The following SCLT1 variants were observed in gnomAD, a reference collection of about 807,000 sequenced individuals.
SCLT1 encodes the protein sodium channel and clathrin linker 1.
Under a neutral mutation model 112.8 loss-of-function variants are expected in SCLT1, and 78 were observed. The observed-to-expected ratio is 0.69, with a 90% confidence interval of 0.58 to 0.83. The LOEUF (loss-of-function observed/expected upper bound fraction) is 0.83. SCLT1 is among the 40% of genes least tolerant of loss of function. The pLI, the probability that SCLT1 is intolerant of heterozygous loss-of-function variation, is 0.00. For missense variants in SCLT1, 747 were observed against 770.4 expected, an observed-to-expected ratio of 0.97 and a Z score of 0.36; for synonymous variants, 257 against 254.7, an observed-to-expected ratio of 1.01 and a Z score of -0.09.
At chr4:128,904,500 A>C (rs1377550053) in intron 18 of SCLT1, among the ~76,000 whole-genome samples, 4 of 152,214 alleles carry the variant, frequency 2.6e-5, no homozygotes, top group Non-Finnish European at 5.9e-5. Flanking sequence ...CTGATATGCC[A>C]TCAGATTAGA....
At chr4:128,913,067 G>C (rs1436299821) in intron 18 of SCLT1, among the ~76,000 whole-genome samples, 3 of 152,182 alleles carry the variant, frequency 2.0e-5, no homozygotes, top group Admixed American at 6.5e-5. Flanking sequence ...TAGAAGGTTT[G>C]TTGGTTTGCT....
chr4:128,887,095 G>T (rs140338980), intron 20 of SCLT1, among the ~76,000 whole-genome samples: 1,673 of 152,182 alleles, frequency 0.011, 20 homozygotes, highest in African/African-American at 0.037. Context: ...TGAGGAAACT[G>T]AGGCTTAGAG....
chr4:129,014,740 C>T (rs1744840611), intron 5 of SCLT1, among the ~76,000 whole-genome samples: 1 of 152,304 alleles, frequency 6.6e-6, no homozygotes, highest in South Asian at 2.1e-4. Context: ...GTAGTGTCAG[C>T]CAAAGTGTTT....
rs185075042 is a variant in SCLT1, at chr4:128,968,346, C to T, written c.777+2032G>A. Among the ~76,000 whole-genome samples the T allele has an allele frequency of 8.9e-4, 135 of 152,134 alleles. 2 individuals are homozygous for T. Among genetic ancestry groups the T allele is most frequent in the African/African-American group, 3.2e-3 (131 of 41,514 alleles). On this transcript the variant is annotated intron_variant, in intron 10 of 20. Coordinates refer to ENST00000281142, the MANE Select transcript of SCLT1 (RefSeq NM_144643.4). ...TCATTGATTATTTCTTCTGTCTTTCCCAATCTATTTTTGAGTCCATCTAGT... is the reference window on the plus strand; with the variant it reads ...TCATTGATTATTTCTTCTGTCTTTCTCAATCTATTTTTGAGTCCATCTAGT...
At chr4:129,007,794 A>G (rs759131536) in intron 5 of SCLT1, among the ~76,000 whole-genome samples, 1 of 152,128 alleles carries the variant, frequency 6.6e-6, no homozygotes, top group Non-Finnish European at 1.5e-5. Flanking sequence ...GACTTTAAAA[A>G]AACAAAACAA....
intron 11 of SCLT1, 47 bp from the exon 12 acceptor site, chr4:128,959,824 A>T: frequency 6.9e-7 from 1 of 1,457,882 alleles, no homozygotes; most frequent in Non-Finnish European, 9.6e-7. Context: ...TTTTAAAGGG[A>T]AGGAGGGAGA....
At chr4:129,028,131 C>T (rs1259735213) in intron 5 of SCLT1, among the ~76,000 whole-genome samples, 1 of 152,172 alleles carries the variant, frequency 6.6e-6, no homozygotes. Context: ...AATGCCATCC[C>T]CATCAAGCTA....
chr4:128,878,996 G>T (rs1206987090), downstream of SCLT1, among the ~76,000 whole-genome samples: 1 of 151,284 alleles, frequency 6.6e-6, no homozygotes, highest in Admixed American at 6.6e-5. Flanking sequence ...CGGGAGGGGG[G>T]AGGGATAGCA....
intron 2 of SCLT1, among the ~76,000 whole-genome samples, chr4:129,064,834 G>C (rs1417523287): frequency 6.6e-6 from 1 of 151,956 alleles, no homozygotes; most frequent in Non-Finnish European, 1.5e-5. Context: ...ATGCCACTGT[G>C]GTCAGAAAAC....
At chr4:128,919,931 A>G (rs1735754186) in intron 18 of SCLT1, among the ~76,000 whole-genome samples, 1 of 152,134 alleles carries the variant, frequency 6.6e-6, no homozygotes, top group Non-Finnish European at 1.5e-5. Context: ...GAAAAATCCC[A>G]GGGTCAGAAG....
chr4:129,046,051 A>G lies in SCLT1; in HGVS notation c.103-2000T>C, dbSNP rs145660959. Among the ~76,000 whole-genome samples the G allele has an allele frequency of 4.5e-4, 68 of 152,286 alleles. 1 individual carries two copies. Among genetic ancestry groups the G allele is most frequent in the African/African-American group, 1.6e-3 (65 of 41,586 alleles). ...AAGGAAGATAATCAATACTGTTTTT[A>G]TTCAAGTACTACACACATACAGAAG... is the stretch of plus-strand genomic sequence containing the variant. On this transcript the variant is annotated intron_variant, in intron 2 of 20. Coordinates refer to ENST00000281142, the MANE Select transcript of SCLT1 (RefSeq NM_144643.4).
At position 128,895,421 on chromosome 4, in the gene SCLT1, T is replaced by C. The variant is rs17013909; in HGVS notation, c.1830-4284A>G. The stretch of plus-strand genomic sequence containing the variant: ...CCAAAAGGAACCTTCCACACTTCAG[T>C]TGGGCTCTCACTGTCTCGAAAACAA... On this transcript the variant is annotated intron_variant, in intron 18 of 20. Coordinates refer to ENST00000281142, the MANE Select transcript of SCLT1 (RefSeq NM_144643.4). Among the ~76,000 whole-genome samples, 1,426 of 152,354 alleles carry C rather than the reference T, an allele frequency of 9.4e-3. 23 individuals carry two copies. The highest frequency in any genetic ancestry group is 0.031 in the African/African-American group (1,285 of 41,596).
At chr4:129,047,662 TTTAG>T (rs1337791737) in intron 2 of SCLT1, among the ~76,000 whole-genome samples, 1 of 152,162 alleles carries the variant, frequency 6.6e-6, no homozygotes, top group African/African-American at 2.4e-5. Flanking sequence ...ATTGCCTGTC[TTTAG>T]GATAAAAGTC....
chr4:129,028,126 C>T (rs1187165717), intron 5 of SCLT1, among the ~76,000 whole-genome samples: 3 of 152,090 alleles, frequency 2.0e-5, no homozygotes, highest in Non-Finnish European at 2.9e-5. Context: ...GATTGAATGC[C>T]ATCCCCATCA....
chr4:129,061,213 T>C (rs1277911390), intron 2 of SCLT1, among the ~76,000 whole-genome samples: 1 of 152,126 alleles, frequency 6.6e-6, no homozygotes, highest in East Asian at 1.9e-4. Context: ...TTACTTTCTG[T>C]GAGGGCAGAT....
intron 2 of SCLT1, among the ~76,000 whole-genome samples, chr4:129,076,737 C>T (rs1751498477): frequency 6.6e-6 from 1 of 151,994 alleles, no homozygotes; most frequent in Non-Finnish European, 1.5e-5. Flanking sequence ...TTCCACTAAG[C>T]TTCTTAAGCA....
chr4:129,012,998 TTTTA>T (rs1350101148), intron 5 of SCLT1, among the ~76,000 whole-genome samples: 5 of 152,126 alleles, frequency 3.3e-5, no homozygotes, highest in Admixed American at 6.6e-5. Flanking sequence ...GCTTTTTAAC[TTTTA>T]TTTTAGTTTT....
At chr4:128,979,071 G>T (rs185320616) in intron 9 of SCLT1, among the ~76,000 whole-genome samples, 1 of 152,082 alleles carries the variant, frequency 6.6e-6, no homozygotes, top group Admixed American at 6.6e-5. Flanking sequence ...TACCTACAGA[G>T]GTTGGATACT....
intron 17 of SCLT1, among the ~76,000 whole-genome samples, chr4:128,941,929 G>A (rs1000638167): frequency 6.6e-6 from 1 of 152,044 alleles, no homozygotes; most frequent in African/African-American, 2.4e-5. Flanking sequence ...CTGCAATGGT[G>A]CCTTTGTTAT....
Sources: gnomAD v4.1 joint callset for allele counts (sites outside exome capture counted in the v4.1 genomes callset) on GRCh38, gnomAD v4.1.1 for gene constraint, MANE v1.5 for transcripts, NCBI Gene and HGNC (gene_info 2026-07-23, HGNC 2026-07-21) for gene names.